The following FUT9 variants were observed in gnomAD, a reference collection of about 807,000 sequenced individuals.
FUT9 encodes 4-galactosyl-N-acetylglucosaminide 3-alpha-L-fucosyltransferase 9.
In FUT9, 15 loss-of-function variants were observed where a neutral mutation model predicts 29.7. The observed-to-expected ratio is 0.51, with a 90% CI of 0.34 to 0.78. The LOEUF is 0.78. Among genes scored for constraint, FUT9 ranks in the 30% least tolerant of loss-of-function variants. The probability of loss-of-function intolerance (pLI) is 0.01; values close to 1 mark genes in which losing one functional copy is unlikely to be tolerated. For missense variants in FUT9, 319 were observed against 425.4 expected (o/e 0.75, Z 2.20); for synonymous variants, 169 against 153.7 (o/e 1.10, Z -0.74).
chr6:96,189,479 A>G (rs892286569), intron 2 of FUT9, among the ~76,000 whole-genome samples: 1 of 152,148 alleles, frequency 6.6e-6, no homozygotes, highest in African/African-American at 2.4e-5. Context: ...CCCAAATTTT[A>G]GTGTACATCT....
chr6:96,203,357 G>T lies in FUT9; in HGVS notation c.202G>T (p.Val68Leu). 6.2e-7 allele frequency: 1 copy of T among 1,613,462 alleles called. No homozygotes were observed. The highest frequency in any genetic ancestry group is 8.5e-7 in the Non-Finnish European group (1 of 1,179,706). The change falls in exon 3 of 3, where the codon GTG (valine) becomes TTG (leucine). Residue 68 changes from valine (V) to leucine (L), a missense_variant. By Grantham distance (32) the Val-to-Leu change is conservative (BLOSUM62 1). Transcript: ENST00000302103. The stretch of plus-strand genomic sequence containing the variant: ...TTATTTTAATGAAACTACTATTCTG[G>T]TGTGGGTGTGGCCATTTGGGCAGAC... ...TDYFNETTILVWVWPFGQTFD... is the reference protein window; with the variant it reads ...TDYFNETTILLWVWPFGQTFD...
chr6:96,139,031 A>G (rs879240011), intron 2 of FUT9, among the ~76,000 whole-genome samples: 1 of 152,218 alleles, frequency 6.6e-6, no homozygotes, highest in African/African-American at 2.4e-5. Context: ...GCAGATAGAA[A>G]TTAACATTAC....
At chr6:96,113,133 A>C (rs889306601) in intron 1 of FUT9, among the ~76,000 whole-genome samples, 5 of 152,122 alleles carry the variant, frequency 3.3e-5, no homozygotes, top group Admixed American at 1.3e-4. Context: ...AATATATTTG[A>C]TTATCGAGAT....
chr6:96,188,274 A>T lies in FUT9; in HGVS notation c.-8-14874A>T, dbSNP rs1333764693. ...CTTTTGTGTGTGTGTGTATGTATAT[A>T]TATAATTTTTAGAGATGGGACCTGA... On this transcript the variant is annotated intron_variant, in intron 2 of 2. Coordinates refer to ENST00000302103, the MANE Select transcript of FUT9 (RefSeq NM_006581.4). 2.0e-5 allele frequency among the ~76,000 whole-genome samples: 3 copies of T among 151,932 alleles called. No homozygotes were observed. In the East Asian group the frequency reaches 5.8e-4, roughly 29 times the overall value.
At chr6:96,038,898 C>A (rs183082207) in intron 1 of FUT9, among the ~76,000 whole-genome samples, 1 of 152,086 alleles carries the variant, frequency 6.6e-6, no homozygotes, top group Non-Finnish European at 1.5e-5. Flanking sequence ...TCATTCTGCA[C>A]AGAATATCCT....
intron 1 of FUT9, among the ~76,000 whole-genome samples, chr6:96,035,875 AAT>A: frequency 9.7e-6 from 1 of 103,384 alleles, no homozygotes; most frequent in Non-Finnish European, 2.2e-5. Context: ...AATATAATAT[AAT>A]ACATTATGTT....
chr6:96,198,148 G>A (rs1582304418), intron 2 of FUT9, among the ~76,000 whole-genome samples: 2 of 150,742 alleles, frequency 1.3e-5, no homozygotes, highest in South Asian at 2.1e-4. Flanking sequence ...TTAAGTTTTA[G>A]GGTACATGTG....
At chr6:96,124,698 G>A (rs116613532) in intron 2 of FUT9, among the ~76,000 whole-genome samples, 433 of 151,750 alleles carry the variant, frequency 2.9e-3, no homozygotes, top group African/African-American at 9.3e-3. Context: ...AATTTTGTAC[G>A]CCTCCTTTTC....
intron 2 of FUT9, among the ~76,000 whole-genome samples, chr6:96,184,532 G>A (rs774864112): frequency 6.6e-6 from 1 of 151,796 alleles, no homozygotes; most frequent in Non-Finnish European, 1.5e-5. Context: ...AGTTCCTTGA[G>A]GTGTGACCTT....
chr6:96,202,171 G>A (rs1415363570), intron 2 of FUT9, among the ~76,000 whole-genome samples: 2 of 151,774 alleles, frequency 1.3e-5, no homozygotes, highest in African/African-American at 2.4e-5. Flanking sequence ...TAGCCATAAA[G>A]AGGCATGAAT....
intron 1 of FUT9, among the ~76,000 whole-genome samples, chr6:96,086,517 C>T (rs1180112841): frequency 1.3e-5 from 2 of 152,018 alleles, no homozygotes; most frequent in Non-Finnish European, 2.9e-5. Context: ...GAAATACTTC[C>T]CCATCTTAAA....
intron 2 of FUT9, among the ~76,000 whole-genome samples, chr6:96,201,527 G>C (rs1773725856): frequency 6.6e-6 from 1 of 151,324 alleles, no homozygotes; most frequent in African/African-American, 2.4e-5. Context: ...TTCTTGAGTT[G>C]ACCGATTTGT....
At chr6:96,078,111 A>C (rs968573391) in intron 1 of FUT9, among the ~76,000 whole-genome samples, 3 of 152,142 alleles carry the variant, frequency 2.0e-5, no homozygotes, top group African/African-American at 7.2e-5. Context: ...GAGATGTTGG[A>C]CCTTCAGAAT....
rs1280822043 is a variant in FUT9, at chr6:96,211,367, A to G, written c.*7132A>G. The G allele has an allele frequency of 6.0e-6, 1 of 166,864 alleles. No individual in the cohort carries two copies. The highest frequency in any genetic ancestry group is 1.5e-5 in the Non-Finnish European group (1 of 67,992). The allele number at this position is 166,864 out of a possible 1,614,324, so 10.3% of individuals were successfully genotyped here. A position where few individuals can be genotyped will look rare whatever the true frequency, so the allele number is the denominator to read the frequency against. ...GGTATAGCGCATGTCACAGAATAGG[A>G]TAGCAAGAAGATTCTCAGAGATCAT... On this transcript the variant is annotated 3_prime_UTR_variant, in exon 3 of 3. Coordinates refer to ENST00000302103, the MANE Select transcript of FUT9 (RefSeq NM_006581.4).
intron 2 of FUT9, among the ~76,000 whole-genome samples, chr6:96,171,373 T>C (rs1773109601): frequency 6.6e-6 from 1 of 151,992 alleles, no homozygotes; most frequent in African/African-American, 2.4e-5. Flanking sequence ...AGTTGGCTTG[T>C]AGCCCAAGAA....
At chr6:96,031,035 T>A (rs1770251556) in intron 1 of FUT9, among the ~76,000 whole-genome samples, 1 of 151,448 alleles carries the variant, frequency 6.6e-6, no homozygotes, top group Non-Finnish European at 1.5e-5. Flanking sequence ...TTTGTCAAAA[T>A]TCATAGAACT....
intron 2 of FUT9, among the ~76,000 whole-genome samples, chr6:96,157,833 T>A (rs1395952788): frequency 1.3e-5 from 2 of 152,162 alleles, no homozygotes. Flanking sequence ...AAAAATCACT[T>A]GTCTTCAAAT....
At chr6:96,198,579 C>G (rs558001492) in intron 2 of FUT9, among the ~76,000 whole-genome samples, 36 of 152,194 alleles carry the variant, frequency 2.4e-4, no homozygotes, top group Middle Eastern at 3.4e-3. Flanking sequence ...AATAAACATA[C>G]GTGTGCATGT....
At chr6:96,136,795 GA>G (rs1431933832) in intron 2 of FUT9, among the ~76,000 whole-genome samples, 2 of 151,446 alleles carry the variant, frequency 1.3e-5, no homozygotes, top group Non-Finnish European at 3.0e-5. Context: ...AACAATAGCA[GA>G]AAAAAAATAA....
Sources: allele counts gnomAD v4.1 joint callset (sites outside exome capture counted in the v4.1 genomes callset), GRCh38; gene constraint gnomAD v4.1.1; transcripts MANE v1.5; gene names NCBI Gene and HGNC (gene_info 2026-07-23, HGNC 2026-07-21).